LRP1B: variants seen among roughly 807,000 people sequenced by gnomAD.
LRP1B encodes low-density lipoprotein receptor-related protein 1B.
A neutral mutation model predicts 556.6 loss-of-function variants in LRP1B; 217 were observed. The observed-to-expected ratio is 0.39, with a 90% CI of 0.35 to 0.44. The LOEUF (loss-of-function observed/expected upper bound fraction) is 0.44, where lower values mean the gene tolerates loss of function less well. LRP1B is among the 20% of genes least tolerant of loss of function. The pLI, the probability that LRP1B is intolerant of heterozygous loss-of-function variation, is 1.00. For synonymous variants in LRP1B, 2,047 were observed against 1,865.8 expected (o/e 1.10, Z -2.50); for missense variants, 5,053 against 5,620.8 (o/e 0.90, Z 3.23).
intron 3 of LRP1B, among the ~76,000 whole-genome samples, chr2:141,406,531 T>C (rs1256558087): frequency 1.3e-5 from 2 of 149,204 alleles, no homozygotes; most frequent in East Asian, 4.1e-4. Flanking sequence ...AATACAGGTG[T>C]AGAGTATCTA....
At chr2:141,656,991 C>G (rs1003928940) in intron 2 of LRP1B, among the ~76,000 whole-genome samples, 1 of 152,014 alleles carries the variant, frequency 6.6e-6, no homozygotes. Context: ...ATTTTAATGC[C>G]AAATCAGGAT....
chr2:142,077,433 G>T (rs896699442), intron 1 of LRP1B, among the ~76,000 whole-genome samples: 2 of 151,962 alleles, frequency 1.3e-5, no homozygotes, highest in Admixed American at 6.6e-5. Flanking sequence ...TTCTGCAAAT[G>T]AATATAATAA....
In LRP1B at chr2:141,223,634, C is replaced by A. The variant is rs371833690; in HGVS notation, c.850+5549G>T. On this transcript the variant is annotated intron_variant, in intron 6 of 90. Coordinates refer to ENST00000389484, the MANE Select transcript of LRP1B (RefSeq NM_018557.3). ...TCACACTACCTGACTTCAAACTATACTACAAGGCTACAGTAACCAAAACTG... is the reference window on the plus strand; with the variant it reads ...TCACACTACCTGACTTCAAACTATAATACAAGGCTACAGTAACCAAAACTG... Among the ~76,000 whole-genome samples the A allele has an allele frequency of 3.9e-5, 6 of 152,288 alleles. 1 individual carries two copies. In the East Asian group the frequency reaches 5.8e-4, roughly 15 times the overall value.
intron 3 of LRP1B, among the ~76,000 whole-genome samples, chr2:141,459,536 A>T (rs1044259441): frequency 4.6e-5 from 7 of 152,064 alleles, no homozygotes; most frequent in Admixed American, 2.0e-4. Flanking sequence ...GTCCCCCGCT[A>T]AATCTCATCT....
At chr2:140,711,641 A>G (rs1372752546) in intron 37 of LRP1B, among the ~76,000 whole-genome samples, 1 of 152,136 alleles carries the variant, frequency 6.6e-6, no homozygotes, top group Non-Finnish European at 1.5e-5. Context: ...CTAGAAATCC[A>G]TCCTGGCTAG....
At chr2:140,379,460 C>T (rs776383185) in intron 67 of LRP1B, among the ~76,000 whole-genome samples, 3 of 151,992 alleles carry the variant, frequency 2.0e-5, no homozygotes, top group East Asian at 1.9e-4. Flanking sequence ...CTTGGGAGGC[C>T]GAGGCGGGCA....
chr2:140,623,143 G>T (rs1310280121), intron 41 of LRP1B, among the ~76,000 whole-genome samples: 1 of 152,090 alleles, frequency 6.6e-6, no homozygotes, highest in Non-Finnish European at 1.5e-5. Flanking sequence ...GGCATCTCCA[G>T]GTTTCTAGTT....
rs71213744 is a variant in LRP1B at position 141,331,522 on chromosome 2, CTCTT to C, written c.344-76885_344-76882del. 4.1e-3 allele frequency among the ~76,000 whole-genome samples: 572 copies of C among 140,814 alleles called. 13 individuals are homozygous for C. The highest frequency in any genetic ancestry group is 0.02 in the East Asian group (100 of 4,966). The allele number at this position is 140,814 out of a possible 152,430, so 92.4% of individuals were successfully genotyped here. On this transcript the variant is annotated intron_variant, in intron 3 of 90. Coordinates refer to ENST00000389484, the MANE Select transcript of LRP1B (RefSeq NM_018557.3). ...TCTTTCCTTCTTTCTTTCTTTCTTTCTCTTTCTTTCTTTCTTTCTTTCTTTCTTT... is the reference window on the plus strand; with the variant it reads ...TCTTTCCTTCTTTCTTTCTTTCTTTCTCTTTCTTTCTTTCTTTCTTTCTTT...
intron 66 of LRP1B, among the ~76,000 whole-genome samples, chr2:140,432,465 T>C (rs1243944224): frequency 6.6e-6 from 1 of 152,224 alleles, no homozygotes; most frequent in Non-Finnish European, 1.5e-5. Context: ...AGCTTTATTA[T>C]TTCTGGAGGT....
At chr2:142,114,998 G>A (rs529148743) in intron 1 of LRP1B, among the ~76,000 whole-genome samples, 6 of 152,116 alleles carry the variant, frequency 3.9e-5, no homozygotes, top group African/African-American at 7.2e-5. Context: ...AAAATATGAC[G>A]TGTCCATAAA....
intron 66 of LRP1B, among the ~76,000 whole-genome samples, chr2:140,412,878 A>G (rs1212606935): frequency 1.3e-5 from 2 of 152,106 alleles, no homozygotes; most frequent in Non-Finnish European, 2.9e-5. Context: ...AACTAGATAA[A>G]TTTCAAAAAA....
chr2:140,239,221 G>T (rs756753381), intron 88 of LRP1B, among the ~76,000 whole-genome samples: 1 of 150,730 alleles, frequency 6.6e-6, no homozygotes, highest in Non-Finnish European at 1.5e-5. Flanking sequence ...TGTCAGTTTT[G>T]CTAGAATATA....
chr2:141,573,196 G>T (rs1026890633), intron 2 of LRP1B, among the ~76,000 whole-genome samples: 2 of 152,030 alleles, frequency 1.3e-5, no homozygotes, highest in Non-Finnish European at 2.9e-5. Flanking sequence ...ACATAATTGG[G>T]AGTAAAACAC....
intron 43 of LRP1B, among the ~76,000 whole-genome samples, chr2:140,593,365 G>T (rs530666488): frequency 2.7e-4 from 41 of 152,258 alleles, no homozygotes; most frequent in Admixed American, 1.4e-3. Context: ...TAACTGCAGG[G>T]AGATAGGTTA....
At chr2:140,260,513 G>A (rs1681884731) in intron 86 of LRP1B, among the ~76,000 whole-genome samples, 1 of 151,348 alleles carries the variant, frequency 6.6e-6, no homozygotes, top group Non-Finnish European at 1.5e-5. Flanking sequence ...TTATATATGT[G>A]TATATATTAA....
intron 1 of LRP1B, among the ~76,000 whole-genome samples, chr2:142,128,296 C>T (rs180780127): frequency 1.3e-3 from 197 of 152,202 alleles, no homozygotes; most frequent in Non-Finnish European, 2.1e-3. Context: ...AATAAGTACA[C>T]GTAGAACCTA....
At chr2:140,289,345 C>T (rs1683282973) in intron 84 of LRP1B, among the ~76,000 whole-genome samples, 1 of 151,884 alleles carries the variant, frequency 6.6e-6, no homozygotes, top group Non-Finnish European at 1.5e-5. Context: ...AGTTGTTTTT[C>T]TATTCATCAA....
intron 2 of LRP1B, among the ~76,000 whole-genome samples, chr2:141,605,044 G>A (rs572645704): frequency 2.0e-5 from 3 of 152,100 alleles, no homozygotes; most frequent in Non-Finnish European, 4.4e-5. Flanking sequence ...AAGGTGGCCC[G>A]GGTGGGAACG....
intron 84 of LRP1B, among the ~76,000 whole-genome samples, chr2:140,287,724 A>C (rs992616003): frequency 6.6e-6 from 1 of 150,422 alleles, no homozygotes; most frequent in Admixed American, 6.7e-5. Context: ...GTGGCTTCCT[A>C]TTCCCATGGT....
Sources: allele counts gnomAD v4.1 joint callset (sites outside exome capture counted in the v4.1 genomes callset), GRCh38; gene constraint gnomAD v4.1.1; transcripts MANE v1.5; gene names NCBI Gene and HGNC (gene_info 2026-07-23, HGNC 2026-07-21).